SLC2A14: variants seen among roughly 807,000 people sequenced by gnomAD.
The protein encoded by SLC2A14 is solute carrier family 2, facilitated glucose transporter member 14.
In SLC2A14, 13 loss-of-function variants were observed where a neutral mutation model predicts 43.0. The observed-to-expected ratio is 0.30, with a 90% confidence interval of 0.20 to 0.48. The LOEUF (loss-of-function observed/expected upper bound fraction) is 0.48, where lower values mean the gene tolerates loss of function less well. Among genes scored for constraint, SLC2A14 ranks in the 20% least tolerant of loss-of-function variants. SLC2A14 has a pLI of 0.99. For missense variants in SLC2A14, 428 were observed against 620.4 expected, an observed-to-expected ratio of 0.69 and a Z score of 3.29; for synonymous variants, 190 against 233.8, an observed-to-expected ratio of 0.81 and a Z score of 1.71.
At chr12:7,839,813 C>A (rs1292529168) in intron 2 of SLC2A14, 6 of 451,240 alleles carry the variant, frequency 1.3e-5, no homozygotes, top group Non-Finnish European at 2.2e-5. Flanking sequence ...ATGGCTCATG[C>A]CTGTAATCTC....
chr12:7,821,346 C>T (rs1019703852), intron 7 of SLC2A14, 21 bp from the exon 8 acceptor site: 1 of 1,596,664 alleles, frequency 6.3e-7, no homozygotes, highest in South Asian at 1.1e-5. Context: ...AGAAAACATG[C>T]AGCTTTGATA....
chr12:7,859,317 G>A (rs922573341), intron 2 of SLC2A14, among the ~76,000 whole-genome samples: 9 of 152,100 alleles, frequency 5.9e-5, no homozygotes, highest in African/African-American at 2.2e-4. Context: ...TTGAACCCAG[G>A]AGGCAGTGGT....
intron 9 of SLC2A14, among the ~76,000 whole-genome samples, chr12:7,818,635 C>A (rs1863675915): frequency 1.3e-5 from 2 of 151,758 alleles, no homozygotes; most frequent in African/African-American, 4.8e-5. Flanking sequence ...GCACTCCCAA[C>A]TGGGTGACAC....
chr12:7,863,908 C>T (rs559296109), intron 2 of SLC2A14, among the ~76,000 whole-genome samples: 13 of 151,686 alleles, frequency 8.6e-5, no homozygotes, highest in African/African-American at 1.2e-4. Flanking sequence ...CTCCACCACC[C>T]GGGTTCAAGC....
chr12:7,819,714 A>G (rs1863767929), intron 8 of SLC2A14, 131 bp from the exon 9 acceptor site: 2 of 764,524 alleles, frequency 2.6e-6, no homozygotes, highest in South Asian at 3.8e-5. Flanking sequence ...ATGATTTTAT[A>G]TACATACATA....
chr12:7,871,354 C>T (rs968791092), intron 1 of SLC2A14: 6 of 716,322 alleles, frequency 8.4e-6, no homozygotes, highest in Admixed American at 4.7e-5. Context: ...TCATACATGG[C>T]GCCAAGGGCA....
At chr12:7,883,263 CTTTT>C (rs372464881) in intron 1 of SLC2A14, among the ~76,000 whole-genome samples, 42 of 108,404 alleles carry the variant, frequency 3.9e-4, no homozygotes, top group Non-Finnish European at 6.1e-4. Context: ...TTCTTTCTTT[CTTTT>C]TTTTTTTTTT....
chr12:7,876,511 C>T (rs1945466796), upstream of SLC2A14, among the ~76,000 whole-genome samples: 4 of 126,372 alleles, frequency 3.2e-5, no homozygotes, highest in Non-Finnish European at 6.7e-5. Flanking sequence ...TAAATTGGTG[C>T]AGCCATTATG....
intron 4 of SLC2A14, among the ~76,000 whole-genome samples, chr12:7,830,912 T>G (rs1696769191): frequency 6.6e-6 from 1 of 151,902 alleles, no homozygotes; most frequent in Non-Finnish European, 1.5e-5. Flanking sequence ...TCACGTAAGG[T>G]CAGGAGTTCG....
Position 7,817,921 on chromosome 12 carries a change from G to T in SLC2A14, c.1185C>A (p.Ser395Arg). The part of the protein sequence containing the change: ...IPWFIVAELF[S>R]QGPRPAAMAV... ...CCATCGCAGCTGGGCGGGGGCCCTG[G>T]CTGAAGAGTTCGGCCACAATAAACC... Residue 395 changes from serine to arginine, a missense_variant, in exon 10 of 11, where the codon AGC becomes AGA. Physicochemically the swap from Ser to Arg is moderately radical, Grantham distance 110 (BLOSUM62 -1). Coordinates refer to ENST00000431042, the MANE Select transcript of SLC2A14 (RefSeq NM_001286234.2). The T allele has an allele frequency of 6.2e-7, 1 of 1,614,178 alleles. No individual in the cohort carries two copies. Among genetic ancestry groups the T allele is most frequent in the South Asian group, 1.1e-5 (1 of 91,084 alleles).
At chr12:7,824,020 C>T (rs1349256096) in intron 7 of SLC2A14, among the ~76,000 whole-genome samples, 1 of 152,106 alleles carries the variant, frequency 6.6e-6, no homozygotes, top group Non-Finnish European at 1.5e-5. Context: ...CATTGGGAGG[C>T]TGAGGTGAGT....
chr12:7,879,660 G>T (rs770549200), intron 1 of SLC2A14, among the ~76,000 whole-genome samples: 1 of 151,942 alleles, frequency 6.6e-6, no homozygotes, highest in Admixed American at 6.6e-5. Context: ...CTCCAGCCTG[G>T]GCAACAAGAG....
At chr12:7,881,111 C>T (rs1251682380) in intron 1 of SLC2A14, among the ~76,000 whole-genome samples, 3 of 152,158 alleles carry the variant, frequency 2.0e-5, no homozygotes, top group South Asian at 4.1e-4. Flanking sequence ...GAGGTGACAG[C>T]GTGCTGGCAG....
chr12:7,869,607 T>C (rs745536844), intron 2 of SLC2A14, among the ~76,000 whole-genome samples: 98 of 152,298 alleles, frequency 6.4e-4, no homozygotes, highest in African/African-American at 2.3e-3. Flanking sequence ...ATGCTGATCA[T>C]AAATATTTTA....
At chr12:7,888,051 A>G (rs901360885) in intron 1 of SLC2A14, among the ~76,000 whole-genome samples, 13 of 152,134 alleles carry the variant, frequency 8.5e-5, no homozygotes, top group Admixed American at 2.0e-4. Context: ...GGAAGAAGGC[A>G]GGAAATCTCC....
intron 2 of SLC2A14, among the ~76,000 whole-genome samples, chr12:7,865,286 C>T (rs4396354): frequency 0.49 from 73,917 of 151,912 alleles, 18,015 homozygotes; most frequent in East Asian, 0.54. Context: ...ACCTGTAATC[C>T]CAGCACTTTG....
intron 2 of SLC2A14, among the ~76,000 whole-genome samples, chr12:7,850,293 G>A (rs1866818802): frequency 1.3e-5 from 2 of 152,172 alleles, no homozygotes; most frequent in Non-Finnish European, 2.9e-5. Flanking sequence ...TCTAGGAAGA[G>A]ATAATGCTGG....
intron 1 of SLC2A14, among the ~76,000 whole-genome samples, chr12:7,886,408 T>A (rs1367176899): frequency 1.3e-5 from 2 of 151,514 alleles, no homozygotes; most frequent in Non-Finnish European, 2.9e-5. Flanking sequence ...AGTTTTTCTT[T>A]GTTGCCCAGG....
At chr12:7,867,491 T>C (rs1434597672) in intron 2 of SLC2A14, among the ~76,000 whole-genome samples, 2 of 151,932 alleles carry the variant, frequency 1.3e-5, no homozygotes, top group Admixed American at 6.6e-5. Flanking sequence ...TGAGACTGAA[T>C]TGTTGCAATC....
Sources: allele counts gnomAD v4.1 joint callset (sites outside exome capture counted in the v4.1 genomes callset), GRCh38; gene constraint gnomAD v4.1.1; transcripts MANE v1.5; gene names NCBI Gene and HGNC (gene_info 2026-07-23, HGNC 2026-07-21).